Variants in SCARA5 observed in about 807,000 individuals in gnomAD.
The protein encoded by SCARA5 is scavenger receptor class A, member 5 (putative).
SCARA5 carries 45 observed loss-of-function variants against 46.3 expected under a neutral mutation model. The observed-to-expected ratio is 0.97, with a 90% CI of 0.76 to 1.24. SCARA5 has a LOEUF of 1.24. Among genes scored for constraint, SCARA5 ranks in the 50% most tolerant of loss-of-function variants. The pLI is 0.00. For missense variants in SCARA5, 680 were observed against 689.0 expected (o/e 0.99, Z 0.15); for synonymous variants, 333 against 306.5 (o/e 1.09, Z -0.90).
chr8:27,958,707 T>A (rs967180768), intron 3 of SCARA5, among the ~76,000 whole-genome samples: 1 of 152,226 alleles, frequency 6.6e-6, no homozygotes, highest in Non-Finnish European at 1.5e-5. Flanking sequence ...CAGAAACCAG[T>A]GTGCTGACAT....
At chr8:27,947,222 G>T (rs1808052354) in intron 3 of SCARA5, among the ~76,000 whole-genome samples, 1 of 152,132 alleles carries the variant, frequency 6.6e-6, no homozygotes, top group African/African-American at 2.4e-5. Context: ...GTGTTGGCCA[G>T]GCTGGTCTCG....
chr8:27,965,233 C>A (rs969878268), intron 3 of SCARA5, among the ~76,000 whole-genome samples: 1 of 152,230 alleles, frequency 6.6e-6, no homozygotes, highest in African/African-American at 2.4e-5. Context: ...TCCCGCTTGA[C>A]GGAAAGTGAA....
intron 7 of SCARA5, among the ~76,000 whole-genome samples, chr8:27,896,829 C>A (rs1807071476): frequency 6.6e-6 from 1 of 152,156 alleles, no homozygotes. Context: ...CGCAGTGGCT[C>A]ACGCCGGTAA....
At chr8:27,963,536 A>C (rs1808322157) in intron 3 of SCARA5, among the ~76,000 whole-genome samples, 1 of 152,194 alleles carries the variant, frequency 6.6e-6, no homozygotes, top group Non-Finnish European at 1.5e-5. Flanking sequence ...GCATGGGATT[A>C]TTGGAGTAAA....
chr8:27,894,293 G>A (rs927599497), intron 7 of SCARA5, among the ~76,000 whole-genome samples: 1 of 152,206 alleles, frequency 6.6e-6, no homozygotes, highest in Non-Finnish European at 1.5e-5. Flanking sequence ...AAGGGCAAAG[G>A]CTTGTTATTT....
intron 8 of SCARA5, 111 bp from the exon 9 acceptor site, chr8:27,872,181 T>C: frequency 8.7e-7 from 1 of 1,152,398 alleles, no homozygotes; most frequent in African/African-American, 1.5e-5. Context: ...CACTCAAACC[T>C]AGGGGCTTCC....
At position 27,921,975 on chromosome 8, in the gene SCARA5, C is replaced by T. The variant is rs768641266; in HGVS notation, c.512G>A (p.Arg171Gln). ...VQTEQAVALL[R>Q]DRTGQQSDTA... The stretch of plus-strand genomic sequence containing the variant: ...GTCGCTCTGCTGGCCCGTGCGGTCC[C>T]GCAGCAGGGCCACCGCCTGCTCGGT... The change falls in exon 4 of 9, where the codon CGG becomes CAG. Residue 171 changes from arginine (R) to glutamine (Q), a missense_variant. Physicochemically the swap from Arg to Gln is conservative, Grantham distance 43. Transcript: ENST00000354914. 5.8e-6 allele frequency: 9 copies of T among 1,543,442 alleles called. No individual in the cohort carries two copies. The Admixed American group carries it at 9.5e-5, about 16-fold the overall frequency.
intron 1 of SCARA5, among the ~76,000 whole-genome samples, chr8:27,991,055 C>T (rs1018972232): frequency 3.3e-5 from 5 of 152,244 alleles, no homozygotes; most frequent in African/African-American, 7.2e-5. Context: ...GGGCCATCTG[C>T]GCCCTGCAGG....
intron 6 of SCARA5, among the ~76,000 whole-genome samples, chr8:27,905,177 A>G (rs1023373174): frequency 5.9e-5 from 9 of 151,908 alleles, no homozygotes; most frequent in African/African-American, 1.9e-4. Context: ...GCCCAGGGGA[A>G]AACAAAGGAG....
intron 7 of SCARA5, among the ~76,000 whole-genome samples, chr8:27,890,804 C>T (rs1285056575): frequency 6.6e-6 from 1 of 152,250 alleles, no homozygotes; most frequent in African/African-American, 2.4e-5. Context: ...CATTCTATAT[C>T]CCCGCCTTGC....
intron 3 of SCARA5, among the ~76,000 whole-genome samples, chr8:27,956,067 C>A (rs145837714): frequency 6.6e-6 from 1 of 151,956 alleles, no homozygotes; most frequent in Non-Finnish European, 1.5e-5. Flanking sequence ...GGGGAGGCCA[C>A]GAGAAGGTGG....
At chr8:27,890,857 A>G (rs553877804) in intron 7 of SCARA5, among the ~76,000 whole-genome samples, 1 of 152,352 alleles carries the variant, frequency 6.6e-6, no homozygotes. Context: ...TTGGGGACAC[A>G]GAGGTATTTC....
chr8:27,962,825 T>G (rs1268250693), intron 3 of SCARA5, among the ~76,000 whole-genome samples: 1 of 152,210 alleles, frequency 6.6e-6, no homozygotes, highest in Non-Finnish European at 1.5e-5. Flanking sequence ...GTGCAGGGCC[T>G]ACATCTCATG....
chr8:27,964,097 C>T (rs1019199401), intron 3 of SCARA5, among the ~76,000 whole-genome samples: 1 of 152,178 alleles, frequency 6.6e-6, no homozygotes, highest in Non-Finnish European at 1.5e-5. Flanking sequence ...TGAGAAGGAG[C>T]ATCGCTGAGG....
intron 2 of SCARA5, among the ~76,000 whole-genome samples, chr8:27,981,275 G>A (rs1173757761): frequency 6.6e-6 from 1 of 152,310 alleles, no homozygotes; most frequent in African/African-American, 2.4e-5. Context: ...TGTCTCAAAG[G>A]TGTGGCCAGG....
intron 8 of SCARA5, among the ~76,000 whole-genome samples, chr8:27,875,497 G>A (rs1806710309): frequency 6.6e-6 from 1 of 152,168 alleles, no homozygotes; most frequent in Admixed American, 6.5e-5. Flanking sequence ...AGATCATTGA[G>A]CTGCCTTTAA....
intron 1 of SCARA5, among the ~76,000 whole-genome samples, chr8:27,991,970 A>G (rs57949308): frequency 0.025 from 3,854 of 152,150 alleles, 156 homozygotes; most frequent in African/African-American, 0.088. Context: ...TAGGCTCTTG[A>G]GCTGTGACAT....
intron 7 of SCARA5, among the ~76,000 whole-genome samples, chr8:27,892,393 G>C (rs968488041): frequency 3.9e-5 from 6 of 152,136 alleles, no homozygotes; most frequent in Admixed American, 6.5e-5. Context: ...CCTGAAGAGG[G>C]CACCTGTGAA....
chr8:27,924,727 T>C (rs1461972334), intron 3 of SCARA5, among the ~76,000 whole-genome samples: 1 of 152,200 alleles, frequency 6.6e-6, no homozygotes, highest in Non-Finnish European at 1.5e-5. Flanking sequence ...TGATTGTATA[T>C]TTAGAAAACC....
Sources: gnomAD v4.1 joint callset for allele counts (sites outside exome capture counted in the v4.1 genomes callset) on GRCh38, gnomAD v4.1.1 for gene constraint, MANE v1.5 for transcripts, NCBI Gene and HGNC (gene_info 2026-07-23, HGNC 2026-07-21) for gene names.